Variants in BOD1L1 observed in about 807,000 individuals in gnomAD.
BOD1L1 encodes the protein biorientation of chromosomes in cell division protein 1-like 1.
Under a neutral mutation model 240.7 loss-of-function variants are expected in BOD1L1, and 86 were observed. The ratio of observed to expected loss-of-function variants is 0.36; its 90% CI spans 0.30 to 0.43. The LOEUF (loss-of-function observed/expected upper bound fraction) is 0.43. BOD1L1 is among the 20% of genes least tolerant of loss of function. The pLI, the probability that BOD1L1 is intolerant of heterozygous loss-of-function variation, is 1.00. For synonymous variants in BOD1L1, 1,268 were observed against 1,272.3 expected (o/e 1.00, Z 0.07); for missense variants, 3,554 against 3,643.5 (o/e 0.98, Z 0.63).
At chr4:13,612,537 G>A (rs1171703530) in intron 5 of BOD1L1, among the ~76,000 whole-genome samples, 1 of 152,156 alleles carries the variant, frequency 6.6e-6, no homozygotes, top group Non-Finnish European at 1.5e-5. Flanking sequence ...GACTATAGGA[G>A]TTATTACATG....
chr4:13,589,516 A>G (rs1195106399), intron 14 of BOD1L1, among the ~76,000 whole-genome samples: 1 of 152,238 alleles, frequency 6.6e-6, no homozygotes, highest in South Asian at 2.1e-4. Flanking sequence ...GAATGAGCAA[A>G]TAAGGTGGGG....
chr4:13,606,439 T>A (rs1178850174), intron 9 of BOD1L1, among the ~76,000 whole-genome samples: 1 of 145,732 alleles, frequency 6.9e-6, no homozygotes, highest in Non-Finnish European at 1.5e-5. Flanking sequence ...ATAGTTTAGC[T>A]ACAGAACTAC....
intron 25 of BOD1L1, among the ~76,000 whole-genome samples, chr4:13,571,215 T>C (rs1285283982): frequency 6.6e-6 from 1 of 152,212 alleles, no homozygotes; most frequent in East Asian, 1.9e-4. Context: ...TTCATTTTTC[T>C]AACTCCAGTG....
chr4:13,596,781 G>A (rs1714653152), intron 11 of BOD1L1, among the ~76,000 whole-genome samples: 3 of 152,164 alleles, frequency 2.0e-5, no homozygotes, highest in Admixed American at 1.3e-4. Flanking sequence ...GGTGATGACT[G>A]TAGAAACAGA....
intron 17 of BOD1L1, among the ~76,000 whole-genome samples, chr4:13,584,750 T>G (rs971666334): frequency 6.6e-6 from 1 of 151,890 alleles, no homozygotes; most frequent in Non-Finnish European, 1.5e-5. Context: ...CTGGAATTTT[T>G]TCACGTATTC....
rs774505998 is a variant in BOD1L1, at chr4:13,577,006, G to C, written c.8885-15C>G. 6.2e-7 allele frequency: 1 copy of C among 1,612,080 alleles called. No homozygotes were observed. Among genetic ancestry groups the C allele is most frequent in the Non-Finnish European group, 8.5e-7 (1 of 1,179,216 alleles). ...CTCTGAGGATTCTGTTCAAATAGAA[G>C]GGTAACACCTGGATTTTACAATTCC... On this transcript the variant is annotated splice_polypyrimidine_tract_variant and intron_variant, in intron 24 of 25. Coordinates refer to ENST00000040738, the MANE Select transcript of BOD1L1 (RefSeq NM_148894.3).
rs1713108991 is a variant in BOD1L1, at chr4:13,580,128, A to C, written c.8704-155T>G. On this transcript the variant is annotated intron_variant, in intron 21 of 25. Coordinates refer to ENST00000040738, the MANE Select transcript of BOD1L1 (RefSeq NM_148894.3). ...CTGTAATTGATTAAGTATACCTAGCAAACATGGATGCCTGAGCTTCTAAAT... is the reference window on the plus strand; with the variant it reads ...CTGTAATTGATTAAGTATACCTAGCCAACATGGATGCCTGAGCTTCTAAAT... 6 of 580,672 alleles carry C rather than the reference A, an allele frequency of 1.0e-5. No individual in the cohort carries two copies. The South Asian group carries it at 1.4e-4, about 13-fold the overall frequency. 36.0% of individuals were successfully genotyped at this position (580,672 alleles called of 1,614,324 possible). A position where few individuals can be genotyped will look rare whatever the true frequency, so the allele number is the denominator to read the frequency against.
intron 17 of BOD1L1, among the ~76,000 whole-genome samples, chr4:13,583,377 C>A (rs559538896): frequency 2.0e-5 from 3 of 152,288 alleles, no homozygotes; most frequent in Admixed American, 2.0e-4. Context: ...TGTAAATCCT[C>A]ATTTCTATTA....
At chr4:13,575,357 G>A (rs1023835551) in intron 25 of BOD1L1, among the ~76,000 whole-genome samples, 15 of 152,154 alleles carry the variant, frequency 9.9e-5, no homozygotes, top group Non-Finnish European at 2.1e-4. Flanking sequence ...TTAATAGCTT[G>A]TAAATCACAT....
At chr4:13,607,619 T>C (rs1168228468) in intron 8 of BOD1L1, among the ~76,000 whole-genome samples, 2 of 152,208 alleles carry the variant, frequency 1.3e-5, no homozygotes, top group Non-Finnish European at 2.9e-5. Context: ...TTTATACACT[T>C]GATCGACAAA....
At position 13,577,389 on chromosome 4, in the gene BOD1L1, T is replaced by C. The variant is rs1188824150; in HGVS notation, c.8884+14A>G. 2 of 1,607,354 alleles carry C rather than the reference T, an allele frequency of 1.2e-6. No individual in the cohort carries two copies. The highest frequency in any genetic ancestry group is 1.7e-6 in the Non-Finnish European group (2 of 1,177,506). Reference sequence around the variant, plus strand: ...GAAACAATAAGACTTATTAAGAATTTGCTAGAAACATACCAGCATCATCTG... The same window carrying C: ...GAAACAATAAGACTTATTAAGAATTCGCTAGAAACATACCAGCATCATCTG... On this transcript the variant is annotated intron_variant, in intron 24 of 25. Coordinates refer to ENST00000040738, the MANE Select transcript of BOD1L1 (RefSeq NM_148894.3).
At chr4:13,586,509 C>T (rs761316716) in intron 16 of BOD1L1, 34 bp from the exon 17 acceptor site, 3 of 1,420,994 alleles carry the variant, frequency 2.1e-6, no homozygotes, top group Admixed American at 1.8e-5. Context: ...CACAAAGGAA[C>T]AAAAGCTAAA....
chr4:13,573,586 C>T (rs1282474952), intron 25 of BOD1L1, among the ~76,000 whole-genome samples: 1 of 152,040 alleles, frequency 6.6e-6, no homozygotes. Flanking sequence ...TGCAGTGGTA[C>T]AATCTCTTCT....
Position 13,595,833 on chromosome 4 carries a change from T to G in BOD1L1, c.8104+27A>C, listed in dbSNP as rs756529212. On this transcript the variant is annotated intron_variant, in intron 12 of 25. Coordinates refer to ENST00000040738, the MANE Select transcript of BOD1L1 (RefSeq NM_148894.3). ...ACATGCAAGGCAAAAACAAAAACAA[T>G]GTGAACAACCATTCTAAAGAGCTCA... 14 of 1,589,704 alleles carry G rather than the reference T, an allele frequency of 8.8e-6. No homozygotes were observed. In the African/African-American group the frequency reaches 1.9e-4, roughly 21 times the overall value.
intron 3 of BOD1L1, 59 bp downstream of exon 3, chr4:13,615,253 C>T (rs1716496226): frequency 1.4e-6 from 2 of 1,456,758 alleles, no homozygotes; most frequent in Non-Finnish European, 1.8e-6. Context: ...GTATCCCTAA[C>T]TTGATATTCA....
chr4:13,609,000 G>A (rs1317604632), intron 7 of BOD1L1, among the ~76,000 whole-genome samples: 1 of 152,134 alleles, frequency 6.6e-6, no homozygotes, highest in Non-Finnish European at 1.5e-5. Flanking sequence ...ACCAGCAAGG[G>A]TTGATAACTC....
At chr4:13,581,250 A>AT in intron 19 of BOD1L1, 43 bp from the exon 20 acceptor site, 1 of 1,336,788 alleles carries the variant, frequency 7.5e-7, no homozygotes, top group Non-Finnish European at 1.0e-6. Context: ...AAGAAAAAAA[A>AT]TTTTATCCTT....
intron 1 of BOD1L1, among the ~76,000 whole-genome samples, chr4:13,623,166 A>C (rs1435333159): frequency 6.6e-6 from 1 of 151,978 alleles, no homozygotes; most frequent in African/African-American, 2.4e-5. Context: ...GACCTACCAT[A>C]CATTACTTGT....
At chr4:13,583,367 T>C (rs913474611) in intron 17 of BOD1L1, among the ~76,000 whole-genome samples, 1 of 152,198 alleles carries the variant, frequency 6.6e-6, no homozygotes, top group Non-Finnish European at 1.5e-5. Flanking sequence ...TATAAAAAAT[T>C]GTAAATCCTC....
Sources: gnomAD v4.1 joint callset for allele counts (sites outside exome capture counted in the v4.1 genomes callset) on GRCh38, gnomAD v4.1.1 for gene constraint, MANE v1.5 for transcripts, NCBI Gene and HGNC (gene_info 2026-07-23, HGNC 2026-07-21) for gene names.